SLC22A16: variants seen among roughly 807,000 people sequenced by gnomAD.
SLC22A16 encodes WUGSC:RG331P03.1.
Under a neutral mutation model 52.9 loss-of-function variants are expected in SLC22A16, and 53 were observed. The observed-to-expected ratio is 1.00, with a 90% CI of 0.80 to 1.26. The LOEUF (loss-of-function observed/expected upper bound fraction) is 1.26. Ranked by LOEUF, SLC22A16 falls within the 50% of genes most tolerant of loss-of-function variation. SLC22A16 has a pLI of 0.00. For synonymous variants in SLC22A16, 291 were observed against 268.8 expected (o/e 1.08, Z -0.81); for missense variants, 726 against 704.0 (o/e 1.03, Z -0.35).
chr6:110,435,826 A>G, intron 6 of SLC22A16, 26 bp downstream of exon 6: 1 of 1,504,448 alleles, frequency 6.6e-7, no homozygotes, highest in South Asian at 1.2e-5. Context: ...TAATAGGAAA[A>G]CAACCAGAAA....
intron 2 of SLC22A16, chr6:110,453,709 A>T (rs1262762386): frequency 2.2e-6 from 1 of 456,082 alleles, no homozygotes; most frequent in Non-Finnish European, 4.4e-6. Context: ...TGTGGCAGAG[A>T]GGGGACATTA....
chr6:110,457,810 G>A (rs62421691), intron 1 of SLC22A16, among the ~76,000 whole-genome samples: 8,132 of 152,166 alleles, frequency 0.053, 247 homozygotes, highest in South Asian at 0.085. Flanking sequence ...AAAGATGCCC[G>A]TTACCAAGCG....
At chr6:110,473,018 C>G (rs1776312134) in intron 1 of SLC22A16, among the ~76,000 whole-genome samples, 2 of 152,182 alleles carry the variant, frequency 1.3e-5, no homozygotes, top group African/African-American at 4.8e-5. Flanking sequence ...GGCCCTGTTA[C>G]TTACCACCAG....
chr6:110,435,419 G>A (rs187706547), intron 6 of SLC22A16, among the ~76,000 whole-genome samples: 13 of 152,192 alleles, frequency 8.5e-5, no homozygotes, highest in East Asian at 3.9e-4. Context: ...CAAACCTGCC[G>A]ACACCTTGTT....
intron 1 of SLC22A16, among the ~76,000 whole-genome samples, chr6:110,466,849 C>T (rs1353296509): frequency 4.0e-5 from 6 of 151,844 alleles, no homozygotes; most frequent in East Asian, 1.9e-4. Context: ...GCACTATTCA[C>T]GATTGCAAAG....
At chr6:110,434,668 C>T (rs527988433) in intron 6 of SLC22A16, among the ~76,000 whole-genome samples, 24 of 152,258 alleles carry the variant, frequency 1.6e-4, no homozygotes, top group African/African-American at 5.8e-4. Flanking sequence ...CTCAGAGTCA[C>T]CTGCAGACTT....
At chr6:110,438,495 G>C (rs190757144) in intron 5 of SLC22A16, among the ~76,000 whole-genome samples, 1 of 151,310 alleles carries the variant, frequency 6.6e-6, no homozygotes, top group Non-Finnish European at 1.5e-5. Flanking sequence ...CCCAGGTTAG[G>C]CTTTTCTTTT....
At chr6:110,454,384 A>C (rs915534146) in intron 2 of SLC22A16, among the ~76,000 whole-genome samples, 2 of 150,900 alleles carry the variant, frequency 1.3e-5, no homozygotes, top group South Asian at 4.2e-4. Context: ...TTTTTAGCTT[A>C]AGGTTTTTCT....
chr6:110,472,571 G>A (rs1405434124), intron 1 of SLC22A16, among the ~76,000 whole-genome samples: 2 of 152,012 alleles, frequency 1.3e-5, no homozygotes, highest in African/African-American at 2.4e-5. Context: ...CTTTCCATGT[G>A]CTAGAAAGGT....
Position 110,468,516 on chromosome 6 carries a change from C to G in SLC22A16, c.53+8006G>C, listed in dbSNP as rs189364591. 2.4e-3 allele frequency among the ~76,000 whole-genome samples: 369 copies of G among 151,976 alleles called. 1 individual carries two copies. The highest frequency in any genetic ancestry group is 8.5e-3 in the African/African-American group (352 of 41,426). On this transcript the variant is annotated intron_variant, in intron 1 of 7. Transcript: ENST00000368919. Reference sequence around the variant, plus strand: ...CAAAAACTAGCCAGGCATAGTGGCACGTGCCTGTAGTCTCAGCTACTAAGG... The same window carrying G: ...CAAAAACTAGCCAGGCATAGTGGCAGGTGCCTGTAGTCTCAGCTACTAAGG...
At chr6:110,449,438 A>G (rs141890132) in intron 2 of SLC22A16, among the ~76,000 whole-genome samples, 27 of 152,164 alleles carry the variant, frequency 1.8e-4, no homozygotes, top group African/African-American at 5.5e-4. Context: ...CTCTGCTTTA[A>G]TGTCCTGCAG....
intron 3 of SLC22A16, among the ~76,000 whole-genome samples, chr6:110,444,733 T>C (rs1454250277): frequency 6.6e-6 from 1 of 152,180 alleles, no homozygotes; most frequent in Non-Finnish European, 1.5e-5. Flanking sequence ...ATCAGTTTAA[T>C]ATTTTTGTGA....
At chr6:110,427,653 C>T (rs1301778047) in intron 7 of SLC22A16, among the ~76,000 whole-genome samples, 1 of 152,166 alleles carries the variant, frequency 6.6e-6, no homozygotes, top group East Asian at 1.9e-4. Context: ...GCACGCACCA[C>T]CACGCTCGGC....
intron 5 of SLC22A16, among the ~76,000 whole-genome samples, chr6:110,437,137 C>T (rs1406795229): frequency 6.6e-6 from 1 of 150,882 alleles, no homozygotes; most frequent in Non-Finnish European, 1.5e-5. Context: ...CTAATGTCAC[C>T]TTAATTACAA....
rs141496951 is a variant in SLC22A16 at position 110,442,248 on chromosome 6, G to C, written c.1179C>G (p.Leu393=). 5.7e-4 allele frequency: 923 copies of C among 1,613,208 alleles called. 2 individuals are homozygous for C. Among genetic ancestry groups the C allele is most frequent in the Non-Finnish European group, 7.2e-4 (854 of 1,179,514 alleles). Residue 393 remains leucine (L), a synonymous_variant, in exon 4 of 8, where the codon CTC becomes CTG. Transcript: ENST00000368919. ...AAATATACTGTAACTACTTACCCAG[G>C]AGGAAGAGGTTTAAGTATTCATTGC... ...LGGNEYLNLF[L]LGVVEIPAYT... is the part of the protein sequence containing the mutation.
At chr6:110,453,696 C>A (rs972351580) in intron 2 of SLC22A16, 2 of 456,142 alleles carry the variant, frequency 4.4e-6, no homozygotes, top group Middle Eastern at 3.3e-4. Context: ...GAAGCCTACT[C>A]TTTGTGGCAG....
intron 1 of SLC22A16, among the ~76,000 whole-genome samples, chr6:110,465,887 T>C (rs972590953): frequency 6.6e-6 from 1 of 152,162 alleles, no homozygotes; most frequent in Admixed American, 6.5e-5. Context: ...CTTCAAACTA[T>C]ACTACAAGGC....
chr6:110,464,305 T>A (rs1253009007), intron 1 of SLC22A16, among the ~76,000 whole-genome samples: 3 of 151,690 alleles, frequency 2.0e-5, no homozygotes, highest in Non-Finnish European at 4.4e-5. Context: ...CAGAGAAGAT[T>A]TGATCTCAAT....
chr6:110,427,247 CAAAAAAA>C (rs71018390), intron 7 of SLC22A16, among the ~76,000 whole-genome samples: 2 of 60,600 alleles, frequency 3.3e-5, no homozygotes, highest in Non-Finnish European at 7.2e-5. Flanking sequence ...GACCCAATCT[CAAAAAAA>C]AAAAAAAAAA....
Sources: allele counts gnomAD v4.1 joint callset (sites outside exome capture counted in the v4.1 genomes callset), GRCh38; gene constraint gnomAD v4.1.1; transcripts MANE v1.5; gene names NCBI Gene and HGNC (gene_info 2026-07-23, HGNC 2026-07-21).